The following PTPRT variants were observed in gnomAD, a reference collection of about 807,000 sequenced individuals.
PTPRT encodes protein tyrosine phosphatase receptor type T, also known as receptor-type tyrosine-protein phosphatase T.
PTPRT carries 56 observed loss-of-function variants against 176.8 expected under a neutral mutation model. The observed-to-expected ratio is 0.32, with a 90% CI of 0.26 to 0.40. The LOEUF is 0.40. Ranked by LOEUF, PTPRT falls within the 10% of genes least tolerant of loss-of-function variation. PTPRT has a pLI of 1.00. For missense variants in PTPRT, 1,540 were observed against 1,908.2 expected (o/e 0.81, Z 3.60); for synonymous variants, 783 against 739.0 (o/e 1.06, Z -0.96).
chr20:42,326,568 T>A (rs2057885338), intron 11 of PTPRT, among the ~76,000 whole-genome samples: 1 of 152,142 alleles, frequency 6.6e-6, no homozygotes, highest in African/African-American at 2.4e-5. Context: ...CCTTTTAGAA[T>A]AGAGTCCTTT....
chr20:42,366,927 G>GA (rs1161819899), intron 9 of PTPRT, among the ~76,000 whole-genome samples: 3 of 152,332 alleles, frequency 2.0e-5, no homozygotes, highest in South Asian at 4.1e-4. Context: ...AACCAGAAAA[G>GA]AAAGTGGCTT....
chr20:42,700,453 TCA>T (rs2075958765), intron 6 of PTPRT, among the ~76,000 whole-genome samples: 1 of 152,150 alleles, frequency 6.6e-6, no homozygotes, highest in South Asian at 2.1e-4. Flanking sequence ...GGATATTTTC[TCA>T]GTTTAAAAAA....
intron 24 of PTPRT, among the ~76,000 whole-genome samples, chr20:42,106,553 C>T (rs541760996): frequency 1.1e-3 from 165 of 152,282 alleles, no homozygotes; most frequent in Middle Eastern, 3.4e-3. Flanking sequence ...GAACTCACCA[C>T]CATTCTTCAT....
At chr20:43,057,878 C>T (rs185024392) in intron 1 of PTPRT, among the ~76,000 whole-genome samples, 117 of 152,290 alleles carry the variant, frequency 7.7e-4, no homozygotes, top group Non-Finnish European at 1.4e-3. Context: ...TCCTTCTAGA[C>T]TATAAATGCC....
chr20:42,800,046 T>A (rs2077507698), intron 2 of PTPRT, among the ~76,000 whole-genome samples: 1 of 152,248 alleles, frequency 6.6e-6, no homozygotes, highest in Admixed American at 6.5e-5. Context: ...CAGTCACTCC[T>A]CTTCTTAACA....
At chr20:42,303,359 G>A (rs1360094186) in intron 12 of PTPRT, among the ~76,000 whole-genome samples, 1 of 152,164 alleles carries the variant, frequency 6.6e-6, no homozygotes, top group Non-Finnish European at 1.5e-5. Flanking sequence ...ATTGACTGAG[G>A]GACTTAGGCT....
chr20:42,469,134 G>C (rs2145913464), intron 8 of PTPRT, among the ~76,000 whole-genome samples: 1 of 151,994 alleles, frequency 6.6e-6, no homozygotes, highest in Admixed American at 6.6e-5. Flanking sequence ...TAACATGCTG[G>C]GTATTAGTCC....
intron 1 of PTPRT, chr20:43,063,538 TC>T (rs1370168875): frequency 8.6e-5 from 13 of 151,960 alleles, no homozygotes; most frequent in African/African-American, 2.9e-4. Context: ...ATATCTGCGC[TC>T]CCCTGATAGA....
intron 7 of PTPRT, among the ~76,000 whole-genome samples, chr20:42,509,035 AAAT>A (rs2071907164): frequency 1.8e-5 from 1 of 57,050 alleles, no homozygotes; most frequent in Non-Finnish European, 2.9e-5. Context: ...TTATAGATAT[AAAT>A]TATATAATTT....
chr20:42,216,461 A>C (rs1244557929), intron 15 of PTPRT, among the ~76,000 whole-genome samples: 3 of 152,230 alleles, frequency 2.0e-5, no homozygotes. Flanking sequence ...CACTTCTTTC[A>C]GGAAGCCTTT....
At chr20:42,747,338 CCAGGTACTGACT>C (rs1388959034) in intron 6 of PTPRT, among the ~76,000 whole-genome samples, 1 of 152,150 alleles carries the variant, frequency 6.6e-6, no homozygotes, top group Non-Finnish European at 1.5e-5. Context: ...CTTCTATATG[CCAGGTACTGACT>C]CAGGTACTGC....
chr20:42,799,763 A>T (rs182289958), intron 2 of PTPRT, among the ~76,000 whole-genome samples: 153 of 152,302 alleles, frequency 1.0e-3, no homozygotes, highest in Non-Finnish European at 1.9e-3. Context: ...ACTGCCCCGT[A>T]AGCAAGAATT....
chr20:42,080,667 A>T lies in PTPRT; in HGVS notation c.*212T>A. On this transcript the variant is annotated 3_prime_UTR_variant, in exon 31 of 31. Transcript: ENST00000373187. ...CTGTGGCTGGTTAGGTTGAAAAGGAAGCCTGGGCCTTTTGGAGCAGCATCT... is the reference window on the plus strand; with the variant it reads ...CTGTGGCTGGTTAGGTTGAAAAGGATGCCTGGGCCTTTTGGAGCAGCATCT... The T allele has an allele frequency of 2.3e-6, 1 of 439,184 alleles. No individual in the cohort carries two copies. 27.2% of individuals were successfully genotyped at this position (439,184 alleles called of 1,614,324 possible).
chr20:42,596,528 TA>T (rs1488183845), intron 7 of PTPRT, among the ~76,000 whole-genome samples: 2 of 152,012 alleles, frequency 1.3e-5, no homozygotes, highest in African/African-American at 2.4e-5. Flanking sequence ...TGTTTGAAAA[TA>T]AAAACAAAAT....
chr20:42,087,786 T>A (rs1038867109), intron 27 of PTPRT, among the ~76,000 whole-genome samples: 30 of 140,610 alleles, frequency 2.1e-4, no homozygotes, highest in African/African-American at 7.6e-4. Flanking sequence ...GGCAGGAGAA[T>A]CACTTGAACC....
At chr20:43,096,348 G>C (rs1350056302) in intron 1 of PTPRT, among the ~76,000 whole-genome samples, 1 of 152,142 alleles carries the variant, frequency 6.6e-6, no homozygotes, top group Non-Finnish European at 1.5e-5. Flanking sequence ...GAACCTGTAG[G>C]CTCACAGGCT....
At chr20:42,854,028 C>T (rs1428295035) in intron 2 of PTPRT, among the ~76,000 whole-genome samples, 1 of 152,124 alleles carries the variant, frequency 6.6e-6, no homozygotes, top group East Asian at 1.9e-4. Context: ...CCTTTCCAAC[C>T]CACCAAATCA....
intron 1 of PTPRT, among the ~76,000 whole-genome samples, chr20:42,997,757 G>A (rs574205920): frequency 6.6e-5 from 10 of 152,240 alleles, no homozygotes; most frequent in South Asian, 4.1e-4. Context: ...GCTCATTAGC[G>A]ATGATCATTG....
chr20:42,236,943 A>T (rs1007078307), intron 14 of PTPRT, among the ~76,000 whole-genome samples: 1 of 152,102 alleles, frequency 6.6e-6, no homozygotes, highest in African/African-American at 2.4e-5. Context: ...AGCTGGGGAA[A>T]AAAAAGAAGC....
Sources: gnomAD v4.1 joint callset for allele counts (sites outside exome capture counted in the v4.1 genomes callset) on GRCh38, gnomAD v4.1.1 for gene constraint, MANE v1.5 for transcripts, NCBI Gene and HGNC (gene_info 2026-07-23, HGNC 2026-07-21) for gene names.